Variants in PSME3IP1 observed in about 807,000 individuals in gnomAD.
The protein encoded by PSME3IP1 is proteasome activator subunit 3 interacting protein 1, also known as PSME3-interacting protein.
In PSME3IP1, 13 loss-of-function variants were observed where a neutral mutation model predicts 34.1. The ratio of observed to expected loss-of-function variants is 0.38; its 90% CI spans 0.25 to 0.61. PSME3IP1 has a LOEUF of 0.61. Among genes scored for constraint, PSME3IP1 ranks in the 20% least tolerant of loss-of-function variants. The probability of loss-of-function intolerance (pLI) is 0.60; values close to 1 mark genes in which losing one functional copy is unlikely to be tolerated. For missense variants in PSME3IP1, 237 were observed against 301.4 expected, an observed-to-expected ratio of 0.79 and a Z score of 1.58; for synonymous variants, 93 against 114.3, an observed-to-expected ratio of 0.81 and a Z score of 1.19.
chr16:57,172,223 C>T, intron 4 of PSME3IP1, 28 bp downstream of exon 4: 1 of 1,610,736 alleles, frequency 6.2e-7, no homozygotes, highest in Non-Finnish European at 8.5e-7. Context: ...GGACACCTTA[C>T]AGGTTTTCCT....
intron 4 of PSME3IP1, 83 bp from the exon 5 acceptor site, chr16:57,167,309 T>C (rs555617077): frequency 5.3e-5 from 78 of 1,470,516 alleles, no homozygotes; most frequent in Non-Finnish European, 9.5e-7. Flanking sequence ...TGCGATGTAA[T>C]GTCTGGCCTA....
chr16:57,175,335 CCT>C (rs1279224711), intron 1 of PSME3IP1, among the ~76,000 whole-genome samples: 1 of 152,050 alleles, frequency 6.6e-6, no homozygotes, highest in Non-Finnish European at 1.5e-5. Context: ...TTAAACTAAA[CCT>C]CTGTTTTTCT....
In PSME3IP1 at chr16:57,154,153, T is replaced by C. The variant is rs532517556; in HGVS notation, c.*137A>G. 7.1e-6 allele frequency: 5 copies of C among 702,406 alleles called. No homozygotes were observed. In the South Asian group the frequency reaches 9.5e-5, roughly 13 times the overall value. 43.5% of individuals were successfully genotyped at this position (702,406 alleles called of 1,614,324 possible). A position where few individuals can be genotyped will look rare whatever the true frequency, so the allele number is the denominator to read the frequency against. On this transcript the variant is annotated 3_prime_UTR_variant, in exon 7 of 7. Coordinates refer to ENST00000309137, the MANE Select transcript of PSME3IP1 (RefSeq NM_024946.4). The surrounding 1 kb of genome is among the most constrained non-coding windows in gnomAD (Gnocchi z 4.0). ...AGGTGGATTCTGGCACATTTTTAGA[T>C]TGGATTGGTTAAAAATGTCATGTTG...
At chr16:57,181,897 T>C (rs1308900752) in intron 1 of PSME3IP1, 1 of 152,290 alleles carries the variant, frequency 6.6e-6, no homozygotes. Context: ...GAACCTCTCA[T>C]GTCCACCTAT....
intron 1 of PSME3IP1, chr16:57,174,490 A>C: frequency 2.0e-6 from 2 of 985,358 alleles, no homozygotes; most frequent in Non-Finnish European, 2.4e-6. Context: ...CTGTCCCTCT[A>C]ATCTAGAAAA....
intron 1 of PSME3IP1, chr16:57,174,635 A>C: frequency 1.7e-5 from 17 of 985,436 alleles, no homozygotes; most frequent in Non-Finnish European, 2.0e-5. Flanking sequence ...CTTGCCTCCA[A>C]GTAGATTAAG....
intron 6 of PSME3IP1, among the ~76,000 whole-genome samples, chr16:57,159,526 G>A (rs2070970748): frequency 6.6e-6 from 1 of 152,144 alleles, no homozygotes; most frequent in African/African-American, 2.4e-5. Flanking sequence ...GCTGGGGGAA[G>A]CCTGAATTTC....
intron 2 of PSME3IP1, 39 bp downstream of exon 2, chr16:57,173,689 T>C (rs1175755246): frequency 6.2e-7 from 1 of 1,610,412 alleles, no homozygotes; most frequent in Non-Finnish European, 8.5e-7. Context: ...AGGGTTGCTG[T>C]GTGGATTAAA....
intron 3 of PSME3IP1, 127 bp downstream of exon 3, chr16:57,172,649 A>T (rs1349646655): frequency 1.2e-6 from 1 of 838,346 alleles, no homozygotes; most frequent in Non-Finnish European, 2.0e-6. Flanking sequence ...TTTTCCACCA[A>T]ATAAGCATCC....
At chr16:57,186,048 G>T, upstream of PSME3IP1, 1 of 985,174 alleles carries the variant, frequency 1.0e-6, no homozygotes, top group Non-Finnish European at 1.2e-6. Context: ...ATAGAGTCCC[G>T]CCCCACTTCC....
chr16:57,185,758 C>G (rs898194540), intron 1 of PSME3IP1, 63 bp downstream of exon 1: 1 of 985,396 alleles, frequency 1.0e-6, no homozygotes, highest in Non-Finnish European at 1.2e-6. Context: ...CGCAGCTCAT[C>G]TCTTCCGTAA....
chr16:57,172,204 T>C (rs1311794113), intron 4 of PSME3IP1, 47 bp downstream of exon 4: 1 of 1,603,500 alleles, frequency 6.2e-7, no homozygotes, highest in South Asian at 1.1e-5. Flanking sequence ...TAGATGCTGA[T>C]GAGAAAATGG....
At chr16:57,166,467 T>C (rs1222497031) in intron 5 of PSME3IP1, among the ~76,000 whole-genome samples, 7 of 152,198 alleles carry the variant, frequency 4.6e-5, no homozygotes, top group African/African-American at 1.7e-4. Context: ...GCAGCAGCTA[T>C]TCCCTCTGCT....
At position 57,154,649 on chromosome 16, in the gene PSME3IP1, C is replaced by T. The variant is rs1193337106; in HGVS notation, c.548-142G>A. Reference sequence around the variant, plus strand: ...TGCTATGCAGCCAATACTATCATCACCCTCGTTTTAGAGATGGGGAAACTG... The same window carrying T: ...TGCTATGCAGCCAATACTATCATCATCCTCGTTTTAGAGATGGGGAAACTG... On this transcript the variant is annotated intron_variant, in intron 6 of 6. Transcript: ENST00000309137. This position sits in a 1 kb window ranked among gnomAD's most constrained non-coding sequence, Gnocchi z 4.0. 3 of 650,650 alleles carry T rather than the reference C, an allele frequency of 4.6e-6. No individual in the cohort carries two copies. The highest frequency in any genetic ancestry group is 3.7e-5 in the African/African-American group (2 of 53,596). 40.3% of individuals were successfully genotyped at this position (650,650 alleles called of 1,614,324 possible).
intron 1 of PSME3IP1, among the ~76,000 whole-genome samples, chr16:57,181,037 T>C (rs1202636064): frequency 6.6e-6 from 1 of 151,810 alleles, no homozygotes; most frequent in Non-Finnish European, 1.5e-5. Flanking sequence ...AGACCGACCT[T>C]GCCTGGCGAG....
Position 57,185,989 on chromosome 16 carries a change from T to C in PSME3IP1, c.-184A>G, listed in dbSNP as rs912420038. The C allele has an allele frequency of 4.1e-6, 4 of 984,762 alleles. No individual in the cohort carries two copies. Among genetic ancestry groups the C allele is most frequent in the African/African-American group, 1.8e-5 (1 of 57,012 alleles). 61.0% of individuals were successfully genotyped at this position (984,762 alleles called of 1,614,324 possible). A position where few individuals can be genotyped will look rare whatever the true frequency, so the allele number is the denominator to read the frequency against. The stretch of plus-strand genomic sequence containing the variant: ...AAAAAAAAAAGAAAATAGCCTTTGC[T>C]TTTGTATTTCTTTTGACCCTTCAGG... On this transcript the variant is annotated 5_prime_UTR_variant, in exon 1 of 7. Transcript: ENST00000309137.
intron 6 of PSME3IP1, among the ~76,000 whole-genome samples, chr16:57,163,405 G>T (rs2071504327): frequency 6.6e-6 from 1 of 152,142 alleles, no homozygotes; most frequent in Non-Finnish European, 1.5e-5. Flanking sequence ...ATGGAATTTA[G>T]TTCAGAGTCT....
At chr16:57,160,161 G>A (rs2071055861) in intron 6 of PSME3IP1, among the ~76,000 whole-genome samples, 1 of 151,936 alleles carries the variant, frequency 6.6e-6, no homozygotes, top group South Asian at 2.1e-4. Context: ...GCGGTGGCGG[G>A]CGCCTGTAGT....
chr16:57,175,362 CCTTTT>C (rs1291066796), intron 1 of PSME3IP1, among the ~76,000 whole-genome samples: 2 of 152,086 alleles, frequency 1.3e-5, no homozygotes, highest in African/African-American at 4.8e-5. Flanking sequence ...TGGTTTCTTT[CCTTTT>C]GAGTAACTGT....
Sources: gnomAD v4.1 joint callset for allele counts (sites outside exome capture counted in the v4.1 genomes callset) on GRCh38, gnomAD v4.1.1 for gene constraint, Gnocchi (gnomAD v3.1) non-coding constraint, MANE v1.5 for transcripts, NCBI Gene and HGNC (gene_info 2026-07-23, HGNC 2026-07-21) for gene names.